The following DDX20 variants were observed in gnomAD, a reference collection of about 807,000 sequenced individuals.
The protein encoded by DDX20 is probable ATP-dependent RNA helicase DDX20.
A neutral mutation model predicts 76.4 loss-of-function variants in DDX20; 61 were observed. The ratio of observed to expected loss-of-function variants is 0.80; its 90% CI spans 0.65 to 0.99. DDX20 has a LOEUF of 0.99. Ranked by LOEUF, DDX20 falls within the 50% of genes least tolerant of loss-of-function variation. The pLI is 0.00. For missense variants in DDX20, 976 were observed against 996.8 expected, an observed-to-expected ratio of 0.98 and a Z score of 0.28; for synonymous variants, 357 against 357.4, an observed-to-expected ratio of 1.00 and a Z score of 0.01.
chr1:111,756,930 A>G (rs1358195292), intron 2 of DDX20, among the ~76,000 whole-genome samples, 190 bp downstream of exon 2: 4 of 152,160 alleles, frequency 2.6e-5, no homozygotes, highest in Admixed American at 6.5e-5. Context: ...ATATATGTCA[A>G]TTTTGTCACT....
intron 3 of DDX20, among the ~76,000 whole-genome samples, 181 bp downstream of exon 3, chr1:111,759,749 C>T (rs1039969399): frequency 2.0e-5 from 3 of 151,650 alleles, no homozygotes; most frequent in Middle Eastern, 3.2e-3. Context: ...CCGAGGCGGG[C>T]GGATCACGAG....
Position 111,761,052 on chromosome 1 carries a change from ACT to A in DDX20, c.891_892del (p.Gln298AlafsTer12). The A allele has an allele frequency of 6.2e-7, 1 of 1,613,982 alleles. No homozygotes were observed. The highest frequency in any genetic ancestry group is 8.5e-7 in the Non-Finnish European group (1 of 1,179,926). On this transcript the variant is annotated frameshift_variant, in exon 6 of 11. Transcript: ENST00000369702. LOFTEE classifies it high-confidence loss of function. ...GGCACATAAGGTTTTTGAGGAAAAG[ACT>A]CAGCATTTACAGGAACTGTTCAGCA... The part of the protein sequence containing the change: ...PLAHKVFEEK[T>X]QHLQELFSRI...
chr1:111,766,912 C>A lies in DDX20; in HGVS notation c.*13C>A. ...TAGTAACCAGTGATTATAGGATATA[C>A]CTGAGACCATCAGGAACTGTCAACA... On this transcript the variant is annotated 3_prime_UTR_variant, in exon 11 of 11. Transcript: ENST00000369702. 1 of 1,581,254 alleles carries A rather than the reference C, an allele frequency of 6.3e-7. No individual in the cohort carries two copies. The highest frequency in any genetic ancestry group is 8.6e-7 in the Non-Finnish European group (1 of 1,160,250).
chr1:111,763,486 C>T (rs1031954217), intron 10 of DDX20, among the ~76,000 whole-genome samples: 1 of 151,458 alleles, frequency 6.6e-6, no homozygotes, highest in African/African-American at 2.4e-5. Flanking sequence ...GCAGGAGAAT[C>T]GCTTGAACCC....
intron 2 of DDX20, among the ~76,000 whole-genome samples, chr1:111,757,100 C>T (rs1449650436): frequency 6.6e-6 from 1 of 151,160 alleles, no homozygotes; most frequent in Admixed American, 6.6e-5. Context: ...GTCACCTAGG[C>T]TGGAGTGCAG....
rs1388933066 is a variant in DDX20 at position 111,765,969 on chromosome 1, G to T, written c.1545G>T (p.Lys515Asn). ...AATCAAAAAATAATACCAAACAAAAGCTTCCTGTGAAAAGCCACTCAGAAT... is the reference window on the plus strand; with the variant it reads ...AATCAAAAAATAATACCAAACAAAATCTTCCTGTGAAAAGCCACTCAGAAT... ...SVKSKNNTKQ[K>N]LPVKSHSECG... The change falls in exon 11 of 11, where the codon AAG becomes AAT. Residue 515 changes from lysine (K) to asparagine (N), a missense_variant. By Grantham distance (94) the Lys-to-Asn change is moderately conservative. Around this residue, in one of 3 missense-constraint regions of DDX20, gnomAD observed 630 missense variants for 693.7 expected, o/e 0.91. Transcript: ENST00000369702. 6.2e-7 allele frequency: 1 copy of T among 1,613,592 alleles called. No homozygotes were observed. Among genetic ancestry groups the T allele is most frequent in the South Asian group, 1.1e-5 (1 of 90,990 alleles).
chr1:111,759,312 G>A (rs1452025034), intron 2 of DDX20, 88 bp from the exon 3 acceptor site: 2 of 962,308 alleles, frequency 2.1e-6, no homozygotes, highest in East Asian at 5.2e-5. Flanking sequence ...TCATTTAAAT[G>A]AAATATAGTG....
intron 2 of DDX20, 79 bp from the exon 3 acceptor site, chr1:111,759,321 T>C (rs1324220101): frequency 7.0e-6 from 7 of 998,034 alleles, no homozygotes; most frequent in Non-Finnish European, 1.0e-5. Flanking sequence ...TGAAATATAG[T>C]GTGTCATGTA....
chr1:111,760,210 A>G (rs1663644057), intron 3 of DDX20, among the ~76,000 whole-genome samples: 1 of 152,156 alleles, frequency 6.6e-6, no homozygotes, highest in Admixed American at 6.5e-5. Flanking sequence ...ACTCAGAATC[A>G]GCATCTTGCA....
At chr1:111,759,347 C>A in intron 2 of DDX20, 53 bp from the exon 3 acceptor site, 1 of 1,317,574 alleles carries the variant, frequency 7.6e-7, no homozygotes, top group Admixed American at 2.1e-5. Flanking sequence ...TATACCAGTC[C>A]CCTATGTATT....
chr1:111,755,932 C>G lies in DDX20; in HGVS notation c.8C>G (p.Ala3Gly), dbSNP rs752387882. 1 of 1,572,334 alleles carries G rather than the reference C, an allele frequency of 6.4e-7. No individual in the cohort carries two copies. Among genetic ancestry groups the G allele is most frequent in the Non-Finnish European group, 8.7e-7 (1 of 1,154,948 alleles). The change falls in exon 1 of 11, where the codon GCG (alanine) becomes GGG (glycine). Residue 3 changes from alanine (A) to glycine (G), a missense_variant. By Grantham distance (60) the Ala-to-Gly change is moderately conservative. Transcript: ENST00000369702. Reference protein sequence around the residue: MAAAFEASGALAA... With the variant: MAGAFEASGALAA... Reference sequence around the variant, plus strand: ...TCTGACGGCGCGGCTACCATGGCGGCGGCATTTGAAGCCTCGGGAGCCTTA... The same window carrying G: ...TCTGACGGCGCGGCTACCATGGCGGGGGCATTTGAAGCCTCGGGAGCCTTA...
rs200036515 is a variant in DDX20, at chr1:111,766,401, C to A, written c.1977C>A (p.Tyr659Ter). 2.5e-4 allele frequency: 403 copies of A among 1,614,046 alleles called. No individual in the cohort carries two copies. The highest frequency in any genetic ancestry group is 3.3e-4 in the Non-Finnish European group (395 of 1,180,038). Residue 659 changes from tyrosine to a stop codon, truncating the protein, a stop_gained, in exon 11 of 11, where the codon TAC becomes TAA. Transcript: ENST00000369702. LOFTEE classifies it high-confidence loss of function. ...SGDSESDSDS[Y>*]SSRTSSQSKG... ...ACTCTGAGAGTGACAGTGATTCTTACAGCTCAAGAACCTCTTCCCAGAGCA... is the reference window on the plus strand; with the variant it reads ...ACTCTGAGAGTGACAGTGATTCTTAAAGCTCAAGAACCTCTTCCCAGAGCA...
At position 111,756,120 on chromosome 1, in the gene DDX20, T is replaced by G; in HGVS notation, c.196T>G (p.Ser66Ala). ...VLLAEPADFE[S>A]LLLSRPVLEG... ...GTTGGCGGAGCCGGCCGACTTCGAG[T>G]CACTGCTGCTTTCGCGGCCGGTGCT... Residue 66 changes from serine to alanine, a missense_variant, in exon 1 of 11, where the codon TCA (serine) becomes GCA (alanine). By Grantham distance (99) the Ser-to-Ala change is moderately conservative. Around this residue, in one of 3 missense-constraint regions of DDX20, gnomAD observed 343 missense variants for 286.4 expected, o/e 1.20. Coordinates refer to ENST00000369702, the MANE Select transcript of DDX20 (RefSeq NM_007204.5). The G allele has an allele frequency of 1.3e-6, 2 of 1,593,790 alleles. No individual in the cohort carries two copies. The highest frequency in any genetic ancestry group is 1.7e-6 in the Non-Finnish European group (2 of 1,177,158).
intron 10 of DDX20, among the ~76,000 whole-genome samples, chr1:111,764,613 G>C (rs1375157163): frequency 1.3e-5 from 2 of 152,094 alleles, no homozygotes; most frequent in East Asian, 3.9e-4. Flanking sequence ...AGTCTGATAT[G>C]GGAAAAAAAT....
intron 2 of DDX20, among the ~76,000 whole-genome samples, chr1:111,758,845 A>G (rs1009891256): frequency 6.6e-6 from 1 of 152,208 alleles, no homozygotes; most frequent in Admixed American, 6.5e-5. Flanking sequence ...AAGACTTTGT[A>G]CTGTTAACTG....
At position 111,762,900 on chromosome 1, in the gene DDX20, T is replaced by C. The variant is rs1212942873; in HGVS notation, c.1211-6T>C. ...ATTTACTACCTAACATTCTCTCTGC[T>C]TTTAGGTACATTGGGGCTGACAGTG... On this transcript the variant is annotated splice_region_variant and splice_polypyrimidine_tract_variant and intron_variant, in intron 9 of 10. Transcript: ENST00000369702. 3 of 1,612,572 alleles carry C rather than the reference T, an allele frequency of 1.9e-6. No homozygotes were observed. Among genetic ancestry groups the C allele is most frequent in the South Asian group, 2.2e-5 (2 of 91,030 alleles).
Position 111,756,221 on chromosome 1 carries a change from G to C in DDX20, c.297G>C (p.Gly99=), listed in dbSNP as rs1663549565. The change falls in exon 1 of 11, where the codon GGG becomes GGC. Residue 99 remains glycine, a synonymous_variant. Transcript: ENST00000369702. ...AGGCCATCCCGTTGGGGCGCTGCGG[G>C]CTCGGTGAGAGCGGGGGCCCGGGAT... is the stretch of plus-strand genomic sequence containing the variant. The part of the protein sequence containing the change: ...QLKAIPLGRC[G]LDLIVQAKSG... The C allele has an allele frequency of 7.0e-7, 1 of 1,431,714 alleles. No individual in the cohort carries two copies. Among genetic ancestry groups the C allele is most frequent in the Non-Finnish European group, 9.1e-7 (1 of 1,094,776 alleles). 88.7% of individuals were successfully genotyped at this position (1,431,714 alleles called of 1,614,324 possible).
rs1379740085 is a variant in DDX20, at chr1:111,762,970, T to A, written c.1275T>A (p.Ile425=). 6.2e-7 allele frequency: 1 copy of A among 1,614,008 alleles called. No individual in the cohort carries two copies. The highest frequency in any genetic ancestry group is 8.5e-7 in the Non-Finnish European group (1 of 1,179,922). ...AGGAAGAAAATATGATGATGAGAAT[T>A]GCCCAGAAATGTAATATCAACCTTC... The part of the protein sequence containing the change: ...RGEEENMMMR[I]AQKCNINLLP... The change falls in exon 10 of 11, where the codon ATT becomes ATA. Residue 425 remains isoleucine (I), a synonymous_variant. Coordinates refer to ENST00000369702, the MANE Select transcript of DDX20 (RefSeq NM_007204.5).
At chr1:111,762,407 T>A in intron 8 of DDX20, 70 bp downstream of exon 8, 1 of 1,263,172 alleles carries the variant, frequency 7.9e-7, no homozygotes, top group Non-Finnish European at 1.1e-6. Flanking sequence ...TGTACAGATT[T>A]CATATATTAT....
Sources: gnomAD v4.1 joint callset for allele counts (sites outside exome capture counted in the v4.1 genomes callset) on GRCh38, gnomAD v4.1.1 for gene constraint, gnomAD v4.1.1 regional missense constraint, MANE v1.5 for transcripts, NCBI Gene and HGNC (gene_info 2026-07-23, HGNC 2026-07-21) for gene names.